HORMAD2: variants seen among roughly 807,000 people sequenced by gnomAD.
HORMAD2 encodes the protein HORMA domain containing 2.
HORMAD2 carries 45 observed loss-of-function variants against 38.8 expected under a neutral mutation model. The ratio of observed to expected loss-of-function variants is 1.16; its 90% CI spans 0.91 to 1.49. The LOEUF is 1.49. Among genes scored for constraint, HORMAD2 ranks in the 40% most tolerant of loss-of-function variants. The pLI is 0.00. For synonymous variants in HORMAD2, 126 were observed against 122.8 expected, an observed-to-expected ratio of 1.03 and a Z score of -0.17; for missense variants, 338 against 367.0, an observed-to-expected ratio of 0.92 and a Z score of 0.65.
chr22:30,163,937 A>C (rs1285334093), intron 10 of HORMAD2, among the ~76,000 whole-genome samples: 1 of 152,142 alleles, frequency 6.6e-6, no homozygotes, highest in African/African-American at 2.4e-5. Flanking sequence ...TATACCCATT[A>C]AACAATAATT....
chr22:30,110,339 C>T (rs909742309), intron 5 of HORMAD2, among the ~76,000 whole-genome samples: 2 of 150,820 alleles, frequency 1.3e-5, no homozygotes, highest in African/African-American at 4.9e-5. Context: ...TAGGAAATTC[C>T]CCTTTATAAT....
intron 10 of HORMAD2, among the ~76,000 whole-genome samples, chr22:30,127,207 T>C (rs1922936405): frequency 7.1e-5 from 5 of 70,726 alleles, no homozygotes; most frequent in South Asian, 7.0e-4. Context: ...TTCTTTTTTT[T>C]TTTTTTTTTT....
chr22:30,106,335 T>C (rs1319458966), intron 5 of HORMAD2, among the ~76,000 whole-genome samples: 9 of 152,194 alleles, frequency 5.9e-5, no homozygotes, highest in Non-Finnish European at 1.3e-4. Context: ...TTTATATCAA[T>C]TTGATATTTT....
rs538871494 is a variant in HORMAD2, at chr22:30,084,979, A to C, written c.-38+4488A>C. The stretch of plus-strand genomic sequence containing the variant: ...GCTAACATGGTGAAACCCCGTCTCT[A>C]CTAAAAATACGAAAAAATTAGCCAA... On this transcript the variant is annotated intron_variant, in intron 1 of 10. Coordinates refer to ENST00000336726, the MANE Select transcript of HORMAD2 (RefSeq NM_152510.4). 2.7e-4 allele frequency among the ~76,000 whole-genome samples: 41 copies of C among 152,090 alleles called. 2 individuals carry two copies. In the South Asian group the frequency reaches 8.1e-3, roughly 30 times the overall value.
At chr22:30,145,877 T>C (rs1264494936) in intron 10 of HORMAD2, among the ~76,000 whole-genome samples, 2 of 152,184 alleles carry the variant, frequency 1.3e-5, no homozygotes, top group Non-Finnish European at 2.9e-5. Context: ...TCACAACTCA[T>C]TTTATGAGGC....
chr22:30,169,621 G>A (rs969044835), intron 10 of HORMAD2, among the ~76,000 whole-genome samples: 3 of 152,098 alleles, frequency 2.0e-5, no homozygotes, highest in East Asian at 1.9e-4. Context: ...TTCCCAATGC[G>A]CTCTTGATGT....
intron 10 of HORMAD2, among the ~76,000 whole-genome samples, chr22:30,123,180 A>G (rs974774996): frequency 6.6e-6 from 1 of 152,170 alleles, no homozygotes; most frequent in East Asian, 1.9e-4. Flanking sequence ...TTGTTTTTAA[A>G]TTTTTAGTGC....
chr22:30,078,867 C>T (rs2068422035), upstream of HORMAD2, among the ~76,000 whole-genome samples: 1 of 151,996 alleles, frequency 6.6e-6, no homozygotes, highest in Non-Finnish European at 1.5e-5. Flanking sequence ...CTGGTGCAGA[C>T]AAACCATCTG....
At chr22:30,198,257 A>G in the HORMAD2 span, among the ~76,000 whole-genome samples, 1 of 152,186 alleles carries the variant, frequency 6.6e-6, no homozygotes, top group African/African-American at 2.4e-5. Flanking sequence ...TGCAACATTA[A>G]CCAGAGTTTT....
Position 30,176,149 on chromosome 22 carries a change from C to T in HORMAD2, c.906C>T (p.Phe302=). ...KRKVSEPVKV[F]IPNRK ...AGGTCAGTGAACCAGTGAAGGTCTTCATCCCTAACAGAAAATGAAAGCTAA... is the reference window on the plus strand; with the variant it reads ...AGGTCAGTGAACCAGTGAAGGTCTTTATCCCTAACAGAAAATGAAAGCTAA... The change falls in exon 11 of 11, where the codon TTC becomes TTT. Residue 302 remains phenylalanine (F), a synonymous_variant. Coordinates refer to ENST00000336726, the MANE Select transcript of HORMAD2 (RefSeq NM_152510.4). The T allele has an allele frequency of 6.2e-7, 1 of 1,606,976 alleles. No individual in the cohort carries two copies. Among genetic ancestry groups the T allele is most frequent in the East Asian group, 2.2e-5 (1 of 44,804 alleles).
chr22:30,170,038 A>C (rs1441313255), intron 10 of HORMAD2, among the ~76,000 whole-genome samples: 3 of 152,166 alleles, frequency 2.0e-5, no homozygotes, highest in South Asian at 2.1e-4. Flanking sequence ...TGTGCCAAAA[A>C]TATAAATGTT....
At chr22:30,201,748 A>G in the HORMAD2 span, among the ~76,000 whole-genome samples, 1 of 151,844 alleles carries the variant, frequency 6.6e-6, no homozygotes, top group Non-Finnish European at 1.5e-5. Context: ...TTCGGGGGAC[A>G]CAATCCCGCA....
At chr22:30,200,731 G>T in the HORMAD2 span, among the ~76,000 whole-genome samples, 19 of 141,544 alleles carry the variant, frequency 1.3e-4, no homozygotes, top group South Asian at 2.3e-4. Flanking sequence ...CAACAGAAAT[G>T]TATTATTATT....
chr22:30,147,299 A>G (rs1924475084), intron 10 of HORMAD2, among the ~76,000 whole-genome samples: 1 of 152,198 alleles, frequency 6.6e-6, no homozygotes, highest in East Asian at 1.9e-4. Context: ...GTGGAACAGA[A>G]TGGAGAGTTC....
rs1479807390 is a variant in HORMAD2, at chr22:30,129,245, AAAAAAAAAAAAG to A, written c.819+7033_819+7044del. Among the ~76,000 whole-genome samples the A allele has an allele frequency of 3.7e-4, 17 of 45,558 alleles. 3 individuals are homozygous for A. The highest frequency in any genetic ancestry group is 2.0e-3 in the African/African-American group (15 of 7,630). 29.9% of individuals were successfully genotyped at this position (45,558 alleles called of 152,430 possible). ...AAAAAAAAAAAAAAAAAAAAAAAAA[AAAAAAAAAAAAG>A]AGAGAGAGAGAATAAATAATGCCCT... On this transcript the variant is annotated intron_variant, in intron 10 of 10. Coordinates refer to ENST00000336726, the MANE Select transcript of HORMAD2 (RefSeq NM_152510.4).
chr22:30,133,703 C>A (rs1171924787), intron 10 of HORMAD2, among the ~76,000 whole-genome samples: 2 of 151,010 alleles, frequency 1.3e-5, no homozygotes, highest in African/African-American at 2.4e-5. Context: ...TTTTTCTTGT[C>A]CCCCATGGTT....
chr22:30,181,466 A>G (rs571101885), downstream of HORMAD2, among the ~76,000 whole-genome samples: 206 of 152,246 alleles, frequency 1.4e-3, 1 homozygote, highest in African/African-American at 4.8e-3. Flanking sequence ...TTCCATCAAG[A>G]TAGTTCAATG....
chr22:30,096,942 C>T (rs1222357449), intron 2 of HORMAD2, among the ~76,000 whole-genome samples: 1 of 151,942 alleles, frequency 6.6e-6, no homozygotes, highest in Non-Finnish European at 1.5e-5. Context: ...GGATATGAGT[C>T]CTTTGTAAGA....
At chr22:30,142,862 T>C (rs1924172250) in intron 10 of HORMAD2, among the ~76,000 whole-genome samples, 1 of 152,200 alleles carries the variant, frequency 6.6e-6, no homozygotes, top group South Asian at 2.1e-4. Context: ...CACTAGGGCT[T>C]ATCATGCACA....
Sources: allele counts gnomAD v4.1 joint callset (sites outside exome capture counted in the v4.1 genomes callset), GRCh38; gene constraint gnomAD v4.1.1; transcripts MANE v1.5; gene names NCBI Gene and HGNC (gene_info 2026-07-23, HGNC 2026-07-21).